The following CD109 variants were observed in gnomAD, a reference collection of about 807,000 sequenced individuals.
The protein encoded by CD109 is CD109 molecule.
In CD109, 149 loss-of-function variants were observed where a neutral mutation model predicts 165.8. The ratio of observed to expected loss-of-function variants is 0.90; its 90% CI spans 0.79 to 1.03. CD109 has a LOEUF of 1.03. CD109 is among the 50% of genes least tolerant of loss of function. The pLI is 0.00. For synonymous variants in CD109, 585 were observed against 592.1 expected (o/e 0.99, Z 0.18); for missense variants, 1,712 against 1,677.8 (o/e 1.02, Z -0.36).
chr6:73,683,256 T>C, the CD109 span, among the ~76,000 whole-genome samples: 2 of 152,222 alleles, frequency 1.3e-5, no homozygotes, highest in Non-Finnish European at 2.9e-5. Context: ...AATGCTTTGC[T>C]GCTTAGAAAT....
At chr6:73,733,796 T>C (rs1427980401) in intron 4 of CD109, among the ~76,000 whole-genome samples, 1 of 152,178 alleles carries the variant, frequency 6.6e-6, no homozygotes, top group Non-Finnish European at 1.5e-5. Flanking sequence ...TGATTTGAAT[T>C]CTCTAATTCT....
Position 73,811,000 on chromosome 6 carries a change from T to G in CD109, c.3555T>G (p.Thr1185=). The change falls in exon 28 of 33, where the codon ACT becomes ACG. Residue 1185 remains threonine, a synonymous_variant. Transcript: ENST00000287097. ...LGGFASTQDT[T]VALKALSEFA... is the part of the protein sequence containing the mutation. ...TTTTCTTCCCTCAACAGGATACCACTGTGGCTTTAAAGGCTCTGTCTGAAT... is the reference window on the plus strand; with the variant it reads ...TTTTCTTCCCTCAACAGGATACCACGGTGGCTTTAAAGGCTCTGTCTGAAT... The G allele has an allele frequency of 6.2e-7, 1 of 1,612,966 alleles. No individual in the cohort carries two copies. The highest frequency in any genetic ancestry group is 8.5e-7 in the Non-Finnish European group (1 of 1,179,292).
At chr6:73,757,619 A>G (rs911526638) in intron 6 of CD109, among the ~76,000 whole-genome samples, 1 of 152,234 alleles carries the variant, frequency 6.6e-6, no homozygotes, top group Non-Finnish European at 1.5e-5. Flanking sequence ...GCTGTTGAGC[A>G]CTTCAAATGT....
chr6:73,710,101 G>T (rs1771465860), intron 2 of CD109, among the ~76,000 whole-genome samples: 1 of 152,154 alleles, frequency 6.6e-6, no homozygotes, highest in Non-Finnish European at 1.5e-5. Flanking sequence ...GGGCAATCAG[G>T]CAGGAGAAAG....
chr6:73,795,799 G>T (rs1486132340), intron 23 of CD109, among the ~76,000 whole-genome samples: 1 of 150,818 alleles, frequency 6.6e-6, no homozygotes, highest in African/African-American at 2.4e-5. Context: ...TGTCTCCAAG[G>T]CTTGGTTTTT....
At chr6:73,791,280 CT>C (rs1774956717) in intron 22 of CD109, among the ~76,000 whole-genome samples, 1 of 56,104 alleles carries the variant, frequency 1.8e-5, no homozygotes, top group Non-Finnish European at 3.5e-5. Context: ...ACTTGAACTT[CT>C]TGAACTTCTG....
chr6:73,685,606 T>C, the CD109 span, among the ~76,000 whole-genome samples: 1 of 152,162 alleles, frequency 6.6e-6, no homozygotes, highest in Admixed American at 6.5e-5. Context: ...TTTGGTCACA[T>C]GAATAAGTTC....
At chr6:73,740,739 T>G (rs188456402) in intron 5 of CD109, among the ~76,000 whole-genome samples, 117 of 151,828 alleles carry the variant, frequency 7.7e-4, no homozygotes, top group African/African-American at 2.7e-3. Flanking sequence ...ATTACAGGCA[T>G]GCACCACCAT....
chr6:73,812,545 T>C (rs187998785), intron 29 of CD109, among the ~76,000 whole-genome samples: 1 of 152,264 alleles, frequency 6.6e-6, no homozygotes, highest in African/African-American at 2.4e-5. Context: ...TCCAATATGA[T>C]TCCTGATAAC....
At chr6:73,712,676 T>G (rs1400665527) in intron 2 of CD109, among the ~76,000 whole-genome samples, 2 of 152,246 alleles carry the variant, frequency 1.3e-5, no homozygotes, top group African/African-American at 4.8e-5. Flanking sequence ...AAAATAGCTT[T>G]GACTCTATTT....
Position 73,782,636 on chromosome 6 carries a change from G to A in CD109, c.1986G>A (p.Glu662=). Residue 662 remains glutamate (E), a synonymous_variant, in exon 18 of 33, where the codon GAG becomes GAA. Coordinates refer to ENST00000287097, the MANE Select transcript of CD109 (RefSeq NM_133493.5). ...DGVYDNAEYA[E]RFMEENEGHI... ...TAGATGACAATGCAGAATATGCTGAGAGGTTTATGGAGGAAAATGAAGGAC... is the reference window on the plus strand; with the variant it reads ...TAGATGACAATGCAGAATATGCTGAAAGGTTTATGGAGGAAAATGAAGGAC... The A allele has an allele frequency of 6.2e-7, 1 of 1,613,606 alleles. No individual in the cohort carries two copies. Among genetic ancestry groups the A allele is most frequent in the Non-Finnish European group, 8.5e-7 (1 of 1,179,638 alleles).
chr6:73,783,203 G>T (rs1057334841), intron 18 of CD109, among the ~76,000 whole-genome samples: 2 of 152,142 alleles, frequency 1.3e-5, no homozygotes, highest in African/African-American at 4.8e-5. Flanking sequence ...ATTCAGCTTG[G>T]CTGATAAACC....
chr6:73,723,380 C>T (rs1182883479), intron 3 of CD109, 101 bp downstream of exon 3: 3 of 924,062 alleles, frequency 3.2e-6, no homozygotes, highest in African/African-American at 1.7e-5. Flanking sequence ...ACACATTTCA[C>T]GTTTCATGTA....
intron 5 of CD109, among the ~76,000 whole-genome samples, chr6:73,747,139 T>C (rs1010318624): frequency 2.0e-5 from 3 of 152,238 alleles, no homozygotes; most frequent in Non-Finnish European, 2.9e-5. Context: ...TTTCTTCCTC[T>C]ACTTTGTCAG....
chr6:73,775,660 C>T (rs758918062), intron 15 of CD109, among the ~76,000 whole-genome samples: 18 of 152,176 alleles, frequency 1.2e-4, no homozygotes, highest in Non-Finnish European at 2.1e-4. Flanking sequence ...TCATGATCCT[C>T]TCCCTGCTCC....
chr6:73,782,179 G>C (rs1016287150), intron 17 of CD109, among the ~76,000 whole-genome samples: 4 of 152,076 alleles, frequency 2.6e-5, no homozygotes, highest in African/African-American at 9.7e-5. Context: ...CAGGACACCT[G>C]ATCCTCTGTC....
chr6:73,774,407 G>A (rs1434193972), intron 15 of CD109, among the ~76,000 whole-genome samples: 1 of 152,146 alleles, frequency 6.6e-6, no homozygotes, highest in Non-Finnish European at 1.5e-5. Context: ...CCTCTATTCA[G>A]TGTTTCACTC....
At chr6:73,700,020 T>G (rs918309410) in intron 2 of CD109, among the ~76,000 whole-genome samples, 2 of 152,240 alleles carry the variant, frequency 1.3e-5, no homozygotes, top group African/African-American at 4.8e-5. Context: ...TCTTCAAGTA[T>G]CTGGATGTGG....
At chr6:73,739,644 C>T (rs749839207) in intron 5 of CD109, among the ~76,000 whole-genome samples, 11 of 151,974 alleles carry the variant, frequency 7.2e-5, no homozygotes, top group Admixed American at 5.2e-4. Context: ...GTCAGGAGAC[C>T]GAGACCATCT....
Sources: allele counts gnomAD v4.1 joint callset (sites outside exome capture counted in the v4.1 genomes callset), GRCh38; gene constraint gnomAD v4.1.1; transcripts MANE v1.5; gene names NCBI Gene and HGNC (gene_info 2026-07-23, HGNC 2026-07-21).